The following SLC4A8 variants were observed in gnomAD, a reference collection of about 807,000 sequenced individuals.
SLC4A8 encodes electroneutral sodium bicarbonate exchanger 1.
A neutral mutation model predicts 125.0 loss-of-function variants in SLC4A8; 40 were observed. That is an observed-to-expected ratio of 0.32 (90% CI 0.25 to 0.42). The LOEUF is 0.42. Among genes scored for constraint, SLC4A8 ranks in the 10% least tolerant of loss-of-function variants. The probability of loss-of-function intolerance (pLI) is 1.00; values close to 1 mark genes in which losing one functional copy is unlikely to be tolerated. For synonymous variants in SLC4A8, 456 were observed against 476.0 expected, an observed-to-expected ratio of 0.96 and a Z score of 0.55; for missense variants, 863 against 1,355.1, an observed-to-expected ratio of 0.64 and a Z score of 5.70.
chr12:51,485,725 C>A, intron 16 of SLC4A8, 62 bp from the exon 17 acceptor site: 1 of 871,578 alleles, frequency 1.1e-6, no homozygotes, highest in South Asian at 1.5e-5. Flanking sequence ...TTTTACAATA[C>A]TAACCTCTTT....
intron 2 of SLC4A8, among the ~76,000 whole-genome samples, chr12:51,445,625 G>T (rs1229877056): frequency 6.6e-6 from 1 of 151,782 alleles, no homozygotes; most frequent in Non-Finnish European, 1.5e-5. Context: ...AACCAGCTCT[G>T]CACATTCCCA....
In SLC4A8 at chr12:51,471,309, T is replaced by C; in HGVS notation, c.1681T>C (p.Ser561Pro). 1 of 1,613,162 alleles carries C rather than the reference T, an allele frequency of 6.2e-7. No homozygotes were observed. The highest frequency in any genetic ancestry group is 8.5e-7 in the Non-Finnish European group (1 of 1,179,974). ...CAGAGACTATGCTCTTTCATACCTC[T>C]CCCTGCGAGCTTGTATTGGACTGTG... is the stretch of plus-strand genomic sequence containing the variant. The part of the protein sequence containing the change: ...FCKDYALSYL[S>P]LRACIGLWTA... Residue 561 changes from serine (S) to proline (P), a missense_variant, in exon 14 of 25, where the codon TCC (serine) becomes CCC (proline). Ser to Pro is a moderately conservative substitution (Grantham distance 74). Coordinates refer to ENST00000453097, the MANE Select transcript of SLC4A8 (RefSeq NM_001039960.3).
chr12:51,469,401 G>A (rs770953959), intron 11 of SLC4A8, among the ~76,000 whole-genome samples: 2 of 152,018 alleles, frequency 1.3e-5, no homozygotes, highest in Non-Finnish European at 2.9e-5. Context: ...TTCTTTGTAT[G>A]TTTAGGATAT....
intron 14 of SLC4A8, among the ~76,000 whole-genome samples, chr12:51,472,591 T>A (rs992765303): frequency 7.2e-5 from 11 of 152,190 alleles, no homozygotes; most frequent in African/African-American, 2.7e-4. Context: ...TTAACAAATA[T>A]TTATTGAGCA....
At chr12:51,507,069 GATA>G (rs1938202308) in intron 24 of SLC4A8, among the ~76,000 whole-genome samples, 1 of 152,142 alleles carries the variant, frequency 6.6e-6, no homozygotes, top group Admixed American at 6.5e-5. Flanking sequence ...GGAAAATGGA[GATA>G]ATAATAACTA....
intron 1 of SLC4A8, among the ~76,000 whole-genome samples, chr12:51,414,933 G>A (rs11169833): frequency 0.087 from 13,209 of 152,072 alleles, 647 homozygotes; most frequent in East Asian, 0.22. Context: ...ATGGTTTTTG[G>A]TCCTTCATTC....
chr12:51,402,305 G>A (rs1261191226), intron 1 of SLC4A8, among the ~76,000 whole-genome samples: 3 of 152,190 alleles, frequency 2.0e-5, no homozygotes, highest in South Asian at 2.1e-4. Context: ...GACTTAAGGG[G>A]TGCAAAGCTA....
At chr12:51,453,755 GA>G in intron 5 of SLC4A8, 56 bp downstream of exon 5, 3 of 1,457,730 alleles carry the variant, frequency 2.1e-6, no homozygotes, top group Non-Finnish European at 9.3e-7. Context: ...AGAAGTGTGG[GA>G]AAAAAGGAGT....
At position 51,504,099 on chromosome 12, in the gene SLC4A8, C is replaced by A; in HGVS notation, c.3152C>A (p.Pro1051His). The A allele has an allele frequency of 6.3e-7, 1 of 1,578,086 alleles. No individual in the cohort carries two copies. The highest frequency in any genetic ancestry group is 8.6e-7 in the Non-Finnish European group (1 of 1,158,676). Residue 1051 changes from proline (P) to histidine (H), a missense_variant, in exon 23 of 25, where the codon CCT (proline) becomes CAT (histidine). By Grantham distance (77) the Pro-to-His change is moderately conservative. This residue lies in a region of SLC4A8 where 92 missense variants were observed against 125.6 expected (regional missense o/e 0.73). Transcript: ENST00000453097. ...GAGAGCAGGAAGTTACTAAGTAGTC[C>A]TGGAAAGAACATCAGTTGCAGGTAA... ...PLESRKLLSS[P>H]GKNISCRCDP...
At chr12:51,503,062 T>G (rs2138446889) in intron 22 of SLC4A8, among the ~76,000 whole-genome samples, 1 of 151,510 alleles carries the variant, frequency 6.6e-6, no homozygotes, top group Non-Finnish European at 1.5e-5. Flanking sequence ...CAGGGTGGTC[T>G]CGATCTCCTG....
intron 16 of SLC4A8, among the ~76,000 whole-genome samples, chr12:51,485,122 T>C (rs1951128832): frequency 6.6e-6 from 1 of 152,100 alleles, no homozygotes; most frequent in Non-Finnish European, 1.5e-5. Flanking sequence ...TGATGCCAAT[T>C]GTGTGGCCCT....
At chr12:51,496,963 C>CTTT in intron 21 of SLC4A8, 24 bp from the exon 22 acceptor site, 1 of 1,382,834 alleles carries the variant, frequency 7.2e-7, no homozygotes, top group Non-Finnish European at 1.0e-6. Flanking sequence ...CTTTAATTCA[C>CTTT]TTTTTTTTTT....
chr12:51,464,959 T>G (rs1950468606), intron 11 of SLC4A8, among the ~76,000 whole-genome samples: 1 of 152,100 alleles, frequency 6.6e-6, no homozygotes, highest in Non-Finnish European at 1.5e-5. Flanking sequence ...AAGATAGCTG[T>G]GCTCTGGGAG....
chr12:51,416,144 A>G (rs1488237595), intron 1 of SLC4A8, among the ~76,000 whole-genome samples: 6 of 150,006 alleles, frequency 4.0e-5, no homozygotes, highest in Non-Finnish European at 4.4e-5. Context: ...TTGCCAGCTT[A>G]GGACTAGAGC....
chr12:51,418,332 G>A (rs1344094700), intron 1 of SLC4A8, among the ~76,000 whole-genome samples: 1 of 152,170 alleles, frequency 6.6e-6, no homozygotes, highest in Non-Finnish European at 1.5e-5. Flanking sequence ...GTGTTGGATA[G>A]GAACTGGTCT....
chr12:51,406,955 G>A (rs188276120), intron 1 of SLC4A8, among the ~76,000 whole-genome samples: 1 of 152,330 alleles, frequency 6.6e-6, no homozygotes, highest in East Asian at 1.9e-4. Context: ...ATCTTATCCT[G>A]GGGGTATGTC....
At chr12:51,453,833 A>G (rs759542110) in intron 5 of SLC4A8, 134 bp downstream of exon 5, 34 of 464,582 alleles carry the variant, frequency 7.3e-5, no homozygotes, top group Admixed American at 1.9e-4. Context: ...CCTGGCCTCA[A>G]TGTCCTTGGC....
At chr12:51,463,502 C>CA in intron 10 of SLC4A8, 112 bp from the exon 11 acceptor site, 2 of 669,892 alleles carry the variant, frequency 3.0e-6, no homozygotes, top group Non-Finnish European at 5.3e-6. Context: ...TTGAAAGCTA[C>CA]AAACACGGGC....
At chr12:51,505,744 T>A in intron 23 of SLC4A8, 91 bp from the exon 24 acceptor site, 2 of 541,072 alleles carry the variant, frequency 3.7e-6, no homozygotes, top group Non-Finnish European at 6.6e-6. Context: ...AACCCCATCT[T>A]CTCCCTTCTA....
Sources: gnomAD v4.1 joint callset for allele counts (sites outside exome capture counted in the v4.1 genomes callset) on GRCh38, gnomAD v4.1.1 for gene constraint, gnomAD v4.1.1 regional missense constraint, MANE v1.5 for transcripts, NCBI Gene and HGNC (gene_info 2026-07-23, HGNC 2026-07-21) for gene names.